Variants in ITGA11 observed in about 807,000 individuals in gnomAD.
ITGA11 encodes the protein integrin subunit alpha 11.
A neutral mutation model predicts 141.9 loss-of-function variants in ITGA11; 97 were observed. The ratio of observed to expected loss-of-function variants is 0.68; its 90% CI spans 0.58 to 0.81. The LOEUF is 0.81. Ranked by LOEUF, ITGA11 falls within the 30% of genes least tolerant of loss-of-function variation. The pLI, the probability that ITGA11 is intolerant of heterozygous loss-of-function variation, is 0.00. For missense variants in ITGA11, 1,387 were observed against 1,559.2 expected, an observed-to-expected ratio of 0.89 and a Z score of 1.86; for synonymous variants, 658 against 624.6, an observed-to-expected ratio of 1.05 and a Z score of -0.80.
In ITGA11 at chr15:68,317,373, G is replaced by A. The variant is rs1893621678; in HGVS notation, c.2617-10C>T. 1.0e-5 allele frequency: 16 copies of A among 1,594,322 alleles called. No individual in the cohort carries two copies. Among genetic ancestry groups the A allele is most frequent in the East Asian group, 2.2e-5 (1 of 44,760 alleles). ...TACCGTCTGAGTCCTCCTGGAGGTG[G>A]GTGGCAGACATCATGGCAGCAGTTA... is the stretch of plus-strand genomic sequence containing the variant. On this transcript the variant is annotated splice_polypyrimidine_tract_variant and intron_variant, in intron 20 of 29. Coordinates refer to ENST00000315757, the MANE Select transcript of ITGA11 (RefSeq NM_001004439.2).
rs924628112 is a variant in ITGA11 at position 68,298,936 on chromosome 15, G to GGGAAACTGA, written c.*4114_*4122dup. On this transcript the variant is annotated 3_prime_UTR_variant, in exon 30 of 30. Coordinates refer to ENST00000315757, the MANE Select transcript of ITGA11 (RefSeq NM_001004439.2). ...TGTGTGCCTGTAGTCCCAGCTACTT[G>GGGAAACTGA]GGAAACTGAGGTGGGATTGCTTGAG... 4 of 151,438 alleles carry GGGAAACTGA rather than the reference G, an allele frequency of 2.6e-5. No individual in the cohort carries two copies. Among genetic ancestry groups the GGGAAACTGA allele is most frequent in the African/African-American group, 9.7e-5 (4 of 41,164 alleles). The allele number at this position is 151,438 out of a possible 1,614,324, so 9.4% of individuals were successfully genotyped here.
At chr15:68,306,083 G>A (rs1469192081) in intron 28 of ITGA11, among the ~76,000 whole-genome samples, 2 of 151,094 alleles carry the variant, frequency 1.3e-5, no homozygotes, top group Non-Finnish European at 3.0e-5. Flanking sequence ...CCTGCTACCC[G>A]GGAGGCTGAG....
rs551210668 is a variant in ITGA11, at chr15:68,347,961, C to T, written c.1131+869G>A. Among the ~76,000 whole-genome samples, 4 of 152,186 alleles carry T rather than the reference C, an allele frequency of 2.6e-5. No homozygotes were observed. The South Asian group carries it at 8.3e-4, about 32-fold the overall frequency. Reference sequence around the variant, plus strand: ...ACACACACACTTGCACACACATGCACCTGGGACACCTGTCTGTGCAAAGCA... The same window carrying T: ...ACACACACACTTGCACACACATGCATCTGGGACACCTGTCTGTGCAAAGCA... On this transcript the variant is annotated intron_variant, in intron 10 of 29. Transcript: ENST00000315757.
intron 2 of ITGA11, among the ~76,000 whole-genome samples, chr15:68,391,891 A>C (rs1896130250): frequency 6.6e-6 from 1 of 152,250 alleles, no homozygotes. Context: ...ATATTGGTCA[A>C]AATAAATTCT....
intron 2 of ITGA11, 68 bp downstream of exon 2, chr15:68,402,850 G>T: frequency 9.2e-7 from 1 of 1,090,738 alleles, no homozygotes. Flanking sequence ...ACAGGGCACA[G>T]GGGCAGGATG....
Position 68,375,315 on chromosome 15 carries a change from A to G in ITGA11, c.165-6031T>C, listed in dbSNP as rs138428868. On this transcript the variant is annotated intron_variant, in intron 2 of 29. Coordinates refer to ENST00000315757, the MANE Select transcript of ITGA11 (RefSeq NM_001004439.2). ...GGGAGGGGTTTCACTGGAGGAGCCGAGAGCTCGAGGGAACAAAGGAGAGAT... is the reference window on the plus strand; with the variant it reads ...GGGAGGGGTTTCACTGGAGGAGCCGGGAGCTCGAGGGAACAAAGGAGAGAT... 6.7e-4 allele frequency among the ~76,000 whole-genome samples: 102 copies of G among 152,336 alleles called. 1 individual carries two copies. Among genetic ancestry groups the G allele is most frequent in the Non-Finnish European group, 1.1e-3 (76 of 68,034 alleles).
intron 2 of ITGA11, among the ~76,000 whole-genome samples, chr15:68,395,889 A>T (rs1567156021): frequency 6.6e-6 from 1 of 150,968 alleles, no homozygotes; most frequent in Non-Finnish European, 1.5e-5. Context: ...ACAATAAAAA[A>T]GAAGTTGAAT....
intron 10 of ITGA11, among the ~76,000 whole-genome samples, chr15:68,340,383 G>A (rs1268379848): frequency 1.3e-5 from 2 of 152,186 alleles, no homozygotes; most frequent in Admixed American, 6.5e-5. Context: ...AGAGAAAGAA[G>A]AGCTGGAGAA....
rs1292017301 is a variant in ITGA11 at position 68,311,035 on chromosome 15, G to A, written c.3133C>T (p.Pro1045Ser). The A allele has an allele frequency of 6.2e-7, 1 of 1,607,428 alleles. No individual in the cohort carries two copies. The highest frequency in any genetic ancestry group is 8.5e-7 in the Non-Finnish European group (1 of 1,176,890). Residue 1045 changes from proline (P) to serine (S), a missense_variant, in exon 26 of 30, where the codon CCC (proline) becomes TCC (serine). Physicochemically the swap from Pro to Ser is moderately conservative, Grantham distance 74. Transcript: ENST00000315757. ...NIWGNSTEYR[P>S]TPVEEDLRRA... Reference sequence around the variant, plus strand: ...CGCAAGTCTTCCTCCACTGGGGTGGGCCGGTACTCAGTGCTATTGCCCCAG... The same window carrying A: ...CGCAAGTCTTCCTCCACTGGGGTGGACCGGTACTCAGTGCTATTGCCCCAG...
chr15:68,370,803 G>T (rs546427867), intron 2 of ITGA11, among the ~76,000 whole-genome samples: 2 of 152,184 alleles, frequency 1.3e-5, no homozygotes, highest in African/African-American at 2.4e-5. Flanking sequence ...CCCACTGCCT[G>T]GTGACATGGC....
intron 2 of ITGA11, among the ~76,000 whole-genome samples, chr15:68,390,213 G>A (rs758142327): frequency 1.9e-4 from 29 of 152,194 alleles, no homozygotes; most frequent in Admixed American, 7.2e-4. Context: ...TGAGTTGTGA[G>A]TGAGGTGGGA....
chr15:68,361,485 A>G (rs1895241497), intron 5 of ITGA11, 105 bp downstream of exon 5: 1 of 726,904 alleles, frequency 1.4e-6, no homozygotes, highest in East Asian at 2.7e-5. Context: ...GGACAGTGCT[A>G]GAGTCCAAAT....
intron 2 of ITGA11, among the ~76,000 whole-genome samples, chr15:68,390,796 T>C (rs1008534703): frequency 3.3e-5 from 5 of 152,246 alleles, no homozygotes; most frequent in African/African-American, 1.2e-4. Flanking sequence ...ATTCCTATTT[T>C]ACACATGGGC....
chr15:68,371,225 A>C (rs1895579772), intron 2 of ITGA11, among the ~76,000 whole-genome samples: 1 of 152,210 alleles, frequency 6.6e-6, no homozygotes, highest in Non-Finnish European at 1.5e-5. Context: ...AGTGAGAGAA[A>C]GAAAGAAAAA....
At chr15:68,376,298 C>A (rs555163094) in intron 2 of ITGA11, among the ~76,000 whole-genome samples, 1 of 151,996 alleles carries the variant, frequency 6.6e-6, no homozygotes, top group South Asian at 2.1e-4. Context: ...ATTTAGGGCT[C>A]ATCTTCAAGG....
In ITGA11 at chr15:68,328,253, T is replaced by C. The variant is rs144229131; in HGVS notation, c.1911A>G (p.Pro637=). The C allele has an allele frequency of 9.8e-4, 1,587 of 1,612,876 alleles. 11 individuals are homozygous for C. In the African/African-American group the frequency reaches 0.019, roughly 20 times the overall value. ...LGNAVILWSR[P]VVQINASLHF... Reference sequence around the variant, plus strand: ...GGAGGCTGGCATTGATCTGAACCACTGGGCGGGACCTGGAGGAGAAGGGCC... The same window carrying C: ...GGAGGCTGGCATTGATCTGAACCACCGGGCGGGACCTGGAGGAGAAGGGCC... The change falls in exon 16 of 30, where the codon CCA becomes CCG. Residue 637 remains proline (P), a synonymous_variant. Transcript: ENST00000315757. The surrounding 1 kb of genome is among the most constrained non-coding windows in gnomAD (Gnocchi z 4.8).
chr15:68,360,753 C>A (rs530931935), intron 5 of ITGA11, among the ~76,000 whole-genome samples: 1 of 152,208 alleles, frequency 6.6e-6, no homozygotes, highest in Admixed American at 6.5e-5. Flanking sequence ...GCCATTTCCT[C>A]TGTCATTTTG....
In ITGA11 at chr15:68,333,963, G is replaced by A. The variant is rs1894263507; in HGVS notation, c.1426-1485C>T. On this transcript the variant is annotated intron_variant, in intron 12 of 29. Transcript: ENST00000315757. This position sits in a 1 kb window ranked among gnomAD's most constrained non-coding sequence, Gnocchi z 4.2. ...TCTCTTGCATGCACTCCCCGCCCCT[G>A]CGTCCTCCCCAGACCATCCCCTGCC... Among the ~76,000 whole-genome samples, 1 of 152,126 alleles carries A rather than the reference G, an allele frequency of 6.6e-6. No individual in the cohort carries two copies.
At chr15:68,357,435 G>A in intron 6 of ITGA11, 136 bp from the exon 7 acceptor site, 1 of 1,037,970 alleles carries the variant, frequency 9.6e-7, no homozygotes, top group Admixed American at 3.0e-5. Context: ...ACCTTTCCAA[G>A]AAAGTAACCA....
Sources: gnomAD v4.1 joint callset for allele counts (sites outside exome capture counted in the v4.1 genomes callset) on GRCh38, gnomAD v4.1.1 for gene constraint, Gnocchi (gnomAD v3.1) non-coding constraint, MANE v1.5 for transcripts, NCBI Gene and HGNC (gene_info 2026-07-23, HGNC 2026-07-21) for gene names.